The following FLYWCH1 variants were observed in gnomAD, a reference collection of about 807,000 sequenced individuals.
FLYWCH1 encodes FLYWCH-type zinc finger 1, also known as FLYWCH-type zinc finger-containing protein 1.
A neutral mutation model predicts 66.4 loss-of-function variants in FLYWCH1; 75 were observed. The observed-to-expected ratio is 1.13, with a 90% CI of 0.94 to 1.37. The LOEUF (loss-of-function observed/expected upper bound fraction) is 1.37. Ranked by LOEUF, FLYWCH1 falls within the 40% of genes most tolerant of loss-of-function variation. The pLI is 0.00. For missense variants in FLYWCH1, 1,334 were observed against 1,001.8 expected (o/e 1.33, Z -4.48); for synonymous variants, 595 against 429.9 (o/e 1.38, Z -4.75).
intron 6 of FLYWCH1, 119 bp from the exon 7 acceptor site, chr16:2,937,002 G>T (rs114862585): frequency 8.0e-7 from 1 of 1,251,610 alleles, no homozygotes. Flanking sequence ...CCTGGGCTCC[G>T]GGGCCACCTC....
At chr16:2,931,936 AC>A (rs1402550087) in intron 4 of FLYWCH1, among the ~76,000 whole-genome samples, 2 of 152,052 alleles carry the variant, frequency 1.3e-5, no homozygotes, top group Non-Finnish European at 2.9e-5. Context: ...ACACAGTGAA[AC>A]CCTGTCTCTA....
chr16:2,932,206 G>A (rs2070787908), intron 4 of FLYWCH1, among the ~76,000 whole-genome samples: 1 of 150,438 alleles, frequency 6.6e-6, no homozygotes, highest in South Asian at 2.1e-4. Flanking sequence ...TGGAGGCGGA[G>A]GTTGCAGTGA....
rs2071338264 is a variant in FLYWCH1 at position 2,943,046 on chromosome 16, A to G, written c.2111+2954A>G. On this transcript the variant is annotated intron_variant, in intron 9 of 9. Coordinates refer to ENST00000253928, the MANE Select transcript of FLYWCH1 (RefSeq NM_001308068.2). ...GGTAAAGAGCTCCTATGTGGATACAATACTATCCCCAAATAACAACTGCTC... is the reference window on the plus strand; with the variant it reads ...GGTAAAGAGCTCCTATGTGGATACAGTACTATCCCCAAATAACAACTGCTC... Among the ~76,000 whole-genome samples, 4 of 152,282 alleles carry G rather than the reference A, an allele frequency of 2.6e-5. No individual in the cohort carries two copies. In the South Asian group the frequency reaches 8.3e-4, roughly 32 times the overall value.
intron 9 of FLYWCH1, among the ~76,000 whole-genome samples, chr16:2,947,657 G>C (rs184198425): frequency 1.3e-5 from 2 of 151,896 alleles, no homozygotes; most frequent in Admixed American, 1.3e-4. Flanking sequence ...AGCTACTCAT[G>C]AGGCTGAGGC....
intron 2 of FLYWCH1, among the ~76,000 whole-genome samples, chr16:2,924,896 C>G (rs1392375601): frequency 6.6e-6 from 1 of 152,228 alleles, no homozygotes; most frequent in East Asian, 1.9e-4. Context: ...GCCCTTTAAA[C>G]AGAAGTGGGA....
intron 4 of FLYWCH1, among the ~76,000 whole-genome samples, chr16:2,932,761 T>C (rs1018656636): frequency 3.3e-5 from 5 of 152,136 alleles, no homozygotes; most frequent in African/African-American, 9.7e-5. Context: ...CAGAGACCAC[T>C]GAGTCTGAGT....
At chr16:2,928,288 C>G (rs1244031160) in intron 2 of FLYWCH1, among the ~76,000 whole-genome samples, 1 of 152,334 alleles carries the variant, frequency 6.6e-6, no homozygotes, top group East Asian at 1.9e-4. Flanking sequence ...TTTCACTCCT[C>G]CTCCTCAGCA....
At chr16:2,943,415 G>A (rs1415612617) in intron 9 of FLYWCH1, 2 of 151,682 alleles carry the variant, frequency 1.3e-5, no homozygotes, top group Non-Finnish European at 2.9e-5. Flanking sequence ...CCAGCCACTA[G>A]TATGATGGTA....
rs1269018215 is a variant in FLYWCH1 at position 2,929,916 on chromosome 16, C to A, written c.231C>A (p.Ala77=). ...AGATGGCTGGCCCCGCCACCCTCGC[C>A]AGCACCTTGCAGATCCTGCCAGTTG... The part of the protein sequence containing the change: ...SLEMAGPATL[A]STLQILPVEE... The change falls in exon 3 of 10, where the codon GCC becomes GCA. Residue 77 remains alanine, a synonymous_variant. Coordinates refer to ENST00000253928, the MANE Select transcript of FLYWCH1 (RefSeq NM_001308068.2). The A allele has an allele frequency of 1.2e-6, 2 of 1,613,616 alleles. No homozygotes were observed. The highest frequency in any genetic ancestry group is 2.2e-5 in the East Asian group (1 of 44,888).
At chr16:2,921,052 C>T (rs527266288) in intron 2 of FLYWCH1, among the ~76,000 whole-genome samples, 4 of 151,102 alleles carry the variant, frequency 2.6e-5, no homozygotes, top group African/African-American at 7.3e-5. Flanking sequence ...TGTGTTAGCC[C>T]GGATGGTCTC....
At position 2,948,935 on chromosome 16, in the gene FLYWCH1, G is replaced by C; in HGVS notation, c.*208G>C. Reference sequence around the variant, plus strand: ...CGGCGGAGAACAGTGCTCAGAGCTGGCGCTTGCAGACGCAGCTGTCGTGGG... The same window carrying C: ...CGGCGGAGAACAGTGCTCAGAGCTGCCGCTTGCAGACGCAGCTGTCGTGGG... On this transcript the variant is annotated 3_prime_UTR_variant, in exon 10 of 10. Coordinates refer to ENST00000253928, the MANE Select transcript of FLYWCH1 (RefSeq NM_001308068.2). 1.8e-6 allele frequency: 1 copy of C among 567,464 alleles called. No individual in the cohort carries two copies. Among genetic ancestry groups the C allele is most frequent in the Non-Finnish European group, 3.2e-6 (1 of 316,766 alleles). The allele number at this position is 567,464 out of a possible 1,614,324, so 35.2% of individuals were successfully genotyped here.
At chr16:2,930,145 G>C (rs994055505) in intron 3 of FLYWCH1, 135 bp downstream of exon 3, 3 of 818,040 alleles carry the variant, frequency 3.7e-6, no homozygotes, top group Admixed American at 2.8e-5. Flanking sequence ...GATCCTGAGC[G>C]TGTCCGAGGC....
chr16:2,912,981 A>G (rs1397574696), intron 1 of FLYWCH1: 2 of 152,190 alleles, frequency 1.3e-5, no homozygotes, highest in African/African-American at 2.4e-5. Context: ...TGATTATATC[A>G]TGTTTCTCTT....
In FLYWCH1 at chr16:2,933,782, G is replaced by A. The variant is rs544440421; in HGVS notation, c.1316G>A (p.Arg439Gln). Reference protein sequence around the residue: ...SFLVYESFLYRREKAAGEKVY... With the variant: ...SFLVYESFLYQREKAAGEKVY... ...CTGGTGTACGAGTCCTTCCTCTACC[G>A]GCGGGAGAAGGCGGCTGGGGAGAAG... is the stretch of plus-strand genomic sequence containing the variant. Residue 439 changes from arginine to glutamine, a missense_variant, in exon 6 of 10, where the codon CGG becomes CAG. Physicochemically the swap from Arg to Gln is conservative, Grantham distance 43. Coordinates refer to ENST00000253928, the MANE Select transcript of FLYWCH1 (RefSeq NM_001308068.2). 268 of 1,609,416 alleles carry A rather than the reference G, an allele frequency of 1.7e-4. 2 individuals carry two copies. The South Asian group carries it at 2.5e-3, about 15-fold the overall frequency.
At chr16:2,931,413 G>A (rs1229402622) in intron 4 of FLYWCH1, among the ~76,000 whole-genome samples, 3 of 151,704 alleles carry the variant, frequency 2.0e-5, no homozygotes, top group Middle Eastern at 3.4e-3. Flanking sequence ...CACTTGAGCC[G>A]AGGAGTTCAA....
At chr16:2,916,654 CAAAAAAT>C (rs1011762953) in intron 2 of FLYWCH1, among the ~76,000 whole-genome samples, 15 of 150,720 alleles carry the variant, frequency 1.0e-4, no homozygotes, top group Admixed American at 2.6e-4. Context: ...CAAAACAAAA[CAAAAAAT>C]AAAAAAAAGA....
chr16:2,936,730 A>G (rs1185653000), intron 6 of FLYWCH1: 3 of 476,322 alleles, frequency 6.3e-6, no homozygotes, highest in African/African-American at 5.9e-5. Context: ...TCTCAGCCCC[A>G]TCCGGCTCCT....
chr16:2,920,530 T>G (rs1333240214), intron 2 of FLYWCH1, among the ~76,000 whole-genome samples: 1 of 151,440 alleles, frequency 6.6e-6, no homozygotes, highest in Non-Finnish European at 1.5e-5. Context: ...AAAAAAACAC[T>G]TTTCCACCAA....
chr16:2,919,109 G>A (rs2070276966), intron 2 of FLYWCH1, among the ~76,000 whole-genome samples: 1 of 151,682 alleles, frequency 6.6e-6, no homozygotes, highest in Non-Finnish European at 1.5e-5. Flanking sequence ...TTAATCTTTT[G>A]TGTTTTAGTA....
Sources: allele counts gnomAD v4.1 joint callset (sites outside exome capture counted in the v4.1 genomes callset), GRCh38; gene constraint gnomAD v4.1.1; transcripts MANE v1.5; gene names NCBI Gene and HGNC (gene_info 2026-07-23, HGNC 2026-07-21).